Variants in DEPTOR observed in about 807,000 individuals in gnomAD.
DEPTOR encodes DEP domain containing MTOR interacting protein, also known as DEP domain-containing mTOR-interacting protein.
Under a neutral mutation model 41.6 loss-of-function variants are expected in DEPTOR, and 41 were observed. The observed-to-expected ratio is 0.98, with a 90% CI of 0.77 to 1.28. The LOEUF is 1.28. Among genes scored for constraint, DEPTOR ranks in the 50% most tolerant of loss-of-function variants. DEPTOR has a pLI of 0.00. For missense variants in DEPTOR, 514 were observed against 527.9 expected, an observed-to-expected ratio of 0.97 and a Z score of 0.26; for synonymous variants, 195 against 192.3, an observed-to-expected ratio of 1.01 and a Z score of -0.12.
intron 3 of DEPTOR, among the ~76,000 whole-genome samples, chr8:119,957,639 A>G (rs554782436): frequency 1.4e-5 from 2 of 142,106 alleles, no homozygotes; most frequent in Admixed American, 7.5e-5. Flanking sequence ...CCCAGGCTGG[A>G]GTGCAATGGT....
At chr8:119,917,184 AG>A (rs1197306009) in intron 1 of DEPTOR, among the ~76,000 whole-genome samples, 2 of 152,350 alleles carry the variant, frequency 1.3e-5, no homozygotes, top group Admixed American at 6.5e-5. Flanking sequence ...ATTAGAGTCA[AG>A]GGCTTTGTGA....
chr8:120,011,118 G>A (rs775040346), intron 8 of DEPTOR, among the ~76,000 whole-genome samples: 1 of 152,186 alleles, frequency 6.6e-6, no homozygotes, highest in Non-Finnish European at 1.5e-5. Context: ...TTTCCAGCAT[G>A]AGCTCTCTGG....
intron 3 of DEPTOR, among the ~76,000 whole-genome samples, chr8:119,938,973 C>G (rs902231736): frequency 5.1e-4 from 77 of 149,748 alleles, no homozygotes; most frequent in Non-Finnish European, 9.9e-4. Context: ...CTCTCTCTCT[C>G]TGTGTTTCTC....
chr8:119,881,816 T>A (rs187784151), intron 1 of DEPTOR, among the ~76,000 whole-genome samples: 8 of 152,294 alleles, frequency 5.3e-5, no homozygotes, highest in African/African-American at 1.9e-4. Context: ...CTTTAGGAAA[T>A]GAAGAGTCCC....
chr8:119,945,716 A>C (rs529649518), intron 3 of DEPTOR, among the ~76,000 whole-genome samples: 1 of 152,340 alleles, frequency 6.6e-6, no homozygotes, highest in African/African-American at 2.4e-5. Context: ...TTCCATCTGG[A>C]AGAGAGACTA....
chr8:120,002,812 A>ATATATATATATATATAT (rs71306853), intron 5 of DEPTOR, among the ~76,000 whole-genome samples, 165 bp from the exon 6 acceptor site: 30 of 129,996 alleles, frequency 2.3e-4, no homozygotes, highest in Non-Finnish European at 3.6e-4. Context: ...ATATATATAT[A>ATATATATATATATATAT]ATATAAAGTA....
rs779337668 is a variant in DEPTOR at position 119,873,813 on chromosome 8, G to A, written c.-34G>A. ...CGAGCACCCAAACCCTCGGCGGACA[G>A]CGGAGCCAGTGGTAGCCGCACGGCC... On this transcript the variant is annotated 5_prime_UTR_variant, in exon 1 of 9. Transcript: ENST00000286234. The A allele has an allele frequency of 3.1e-6, 5 of 1,607,070 alleles. No homozygotes were observed. In the South Asian group the frequency reaches 5.5e-5, roughly 18 times the overall value.
At chr8:119,916,821 A>G (rs929036234) in intron 1 of DEPTOR, among the ~76,000 whole-genome samples, 6 of 152,248 alleles carry the variant, frequency 3.9e-5, no homozygotes, top group African/African-American at 1.4e-4. Context: ...TGGGTAGGAA[A>G]AGGCAAGGAC....
intron 4 of DEPTOR, among the ~76,000 whole-genome samples, chr8:119,999,283 G>GA (rs1030394347): frequency 9.5e-5 from 14 of 148,020 alleles, no homozygotes; most frequent in South Asian, 2.2e-4. Flanking sequence ...AAAAAAAAAA[G>GA]AAAAAAAAAG....
chr8:119,989,451 G>A (rs1279669439), intron 4 of DEPTOR, among the ~76,000 whole-genome samples: 1 of 152,118 alleles, frequency 6.6e-6, no homozygotes, highest in Non-Finnish European at 1.5e-5. Context: ...GAAATGGGAG[G>A]CAGTCTAGTG....
chr8:119,905,271 A>G (rs879508780), intron 1 of DEPTOR, among the ~76,000 whole-genome samples: 2 of 152,166 alleles, frequency 1.3e-5, no homozygotes, highest in East Asian at 3.9e-4. Context: ...AGACAATTAC[A>G]ACCCAGCATG....
intron 4 of DEPTOR, among the ~76,000 whole-genome samples, chr8:119,994,780 G>C (rs1435975001): frequency 6.6e-6 from 1 of 151,918 alleles, no homozygotes; most frequent in Admixed American, 6.6e-5. Flanking sequence ...AGCCGGGCAT[G>C]GTGGTGCACG....
intron 4 of DEPTOR, among the ~76,000 whole-genome samples, chr8:119,977,053 T>G (rs913804859): frequency 2.6e-5 from 4 of 152,172 alleles, no homozygotes; most frequent in African/African-American, 9.7e-5. Flanking sequence ...CAGGCTGGAG[T>G]GCAGGGGTGC....
intron 4 of DEPTOR, among the ~76,000 whole-genome samples, chr8:119,999,462 T>A (rs1267050552): frequency 6.6e-6 from 1 of 152,038 alleles, no homozygotes; most frequent in Non-Finnish European, 1.5e-5. Flanking sequence ...TATATCACTC[T>A]AAAGTGTGGA....
chr8:120,049,831 C>A lies in DEPTOR; in HGVS notation c.*127C>A. On this transcript the variant is annotated 3_prime_UTR_variant, in exon 9 of 9. Transcript: ENST00000286234. ...GACATACGAGTCTTCTCCGCACATA[C>A]ATGTCTAAAGTTGAGTTTTATACAC... is the stretch of plus-strand genomic sequence containing the variant. 2 of 1,231,640 alleles carry A rather than the reference C, an allele frequency of 1.6e-6. No homozygotes were observed. The highest frequency in any genetic ancestry group is 1.7e-5 in the South Asian group (1 of 57,628). 76.3% of individuals were successfully genotyped at this position (1,231,640 alleles called of 1,614,324 possible).
At chr8:119,892,123 C>T (rs1471137724) in intron 1 of DEPTOR, among the ~76,000 whole-genome samples, 1 of 152,150 alleles carries the variant, frequency 6.6e-6, no homozygotes, top group Non-Finnish European at 1.5e-5. Context: ...TTCAGCCTCC[C>T]GAGTAGCTGG....
chr8:119,996,792 A>G (rs567168063), intron 4 of DEPTOR, among the ~76,000 whole-genome samples: 1 of 152,354 alleles, frequency 6.6e-6, no homozygotes, highest in South Asian at 2.1e-4. Context: ...AGAAAACAGT[A>G]GGTCTTAATA....
At chr8:119,945,032 G>T (rs1490571673) in intron 3 of DEPTOR, among the ~76,000 whole-genome samples, 1 of 151,970 alleles carries the variant, frequency 6.6e-6, no homozygotes, top group Non-Finnish European at 1.5e-5. Context: ...TCTCAACAGG[G>T]TGATTGAGTC....
intron 5 of DEPTOR, among the ~76,000 whole-genome samples, 165 bp from the exon 6 acceptor site, chr8:120,002,812 A>ATATATATATATATATATATATATATG (rs71306853): frequency 1.5e-5 from 2 of 130,140 alleles, no homozygotes; most frequent in African/African-American, 2.9e-5. Flanking sequence ...ATATATATAT[A>ATATATATATATATATATATATATATG]ATATAAAGTA....
Sources: gnomAD v4.1 joint callset for allele counts (sites outside exome capture counted in the v4.1 genomes callset) on GRCh38, gnomAD v4.1.1 for gene constraint, MANE v1.5 for transcripts, NCBI Gene and HGNC (gene_info 2026-07-23, HGNC 2026-07-21) for gene names.